Variants in GNAI1 observed in about 807,000 individuals in gnomAD.
GNAI1 encodes guanine nucleotide-binding protein G(i) subunit alpha-1.
Under a neutral mutation model 38.9 loss-of-function variants are expected in GNAI1, and 11 were observed. The ratio of observed to expected loss-of-function variants is 0.28; its 90% CI spans 0.18 to 0.47. The LOEUF is 0.47. Ranked by LOEUF, GNAI1 falls within the 20% of genes least tolerant of loss-of-function variation. The pLI is 0.99. For missense variants in GNAI1, 317 were observed against 436.9 expected, an observed-to-expected ratio of 0.73 and a Z score of 2.45; for synonymous variants, 166 against 145.1, an observed-to-expected ratio of 1.14 and a Z score of -1.04.
chr7:80,178,946 C>T (rs1788243483), intron 1 of GNAI1, among the ~76,000 whole-genome samples: 1 of 152,078 alleles, frequency 6.6e-6, no homozygotes, highest in Admixed American at 6.6e-5. Flanking sequence ...AATGATCCAC[C>T]CTTTTCTAAC....
chr7:80,147,690 T>C (rs1246391093), intron 1 of GNAI1, among the ~76,000 whole-genome samples: 1 of 152,186 alleles, frequency 6.6e-6, no homozygotes, highest in Non-Finnish European at 1.5e-5. Flanking sequence ...GATTTCCCAT[T>C]GCTTTTAAAA....
At position 80,225,044 on chromosome 7, in the gene GNAI1, A is replaced by G. The variant is rs1789136593; in HGVS notation, c.*7551A>G. Among the ~76,000 whole-genome samples the G allele has an allele frequency of 6.6e-6, 1 of 152,228 alleles. No homozygotes were observed. The highest frequency in any genetic ancestry group is 2.4e-5 in the African/African-American group (1 of 41,458). On this transcript the variant is annotated 3_prime_UTR_variant, in exon 8 of 8. Coordinates refer to ENST00000649796, the MANE Select transcript of GNAI1 (RefSeq NM_002069.6). ...GAAACACATACAAAAACTAAAAAGGATAGAATGCTAAAATTTGAATGTGGA... is the reference window on the plus strand; with the variant it reads ...GAAACACATACAAAAACTAAAAAGGGTAGAATGCTAAAATTTGAATGTGGA...
chr7:80,161,150 A>G (rs575000231), intron 1 of GNAI1, among the ~76,000 whole-genome samples: 2 of 152,312 alleles, frequency 1.3e-5, no homozygotes, highest in East Asian at 3.9e-4. Flanking sequence ...TCTTCATGAT[A>G]TTAGTGTTCC....
intron 7 of GNAI1, among the ~76,000 whole-genome samples, chr7:80,214,438 G>T (rs1009664895): frequency 6.6e-6 from 1 of 152,004 alleles, no homozygotes; most frequent in Non-Finnish European, 1.5e-5. Flanking sequence ...CATAAATATT[G>T]TATACCTACG....
intron 1 of GNAI1, among the ~76,000 whole-genome samples, chr7:80,148,367 G>T (rs916894749): frequency 6.6e-6 from 1 of 152,072 alleles, no homozygotes; most frequent in Non-Finnish European, 1.5e-5. Context: ...TATAGAAAGA[G>T]CAATTCTGAA....
At chr7:80,160,411 T>A (rs1401294654) in intron 1 of GNAI1, among the ~76,000 whole-genome samples, 1 of 152,028 alleles carries the variant, frequency 6.6e-6, no homozygotes, top group African/African-American at 2.4e-5. Context: ...TTAGGCTCAA[T>A]TTTGTATTTT....
chr7:80,149,830 T>C (rs1394824299), intron 1 of GNAI1, among the ~76,000 whole-genome samples: 2 of 152,198 alleles, frequency 1.3e-5, no homozygotes, highest in African/African-American at 4.8e-5. Flanking sequence ...TTTTAAAATT[T>C]ACATAATTTT....
chr7:80,153,981 G>C (rs1341514310), intron 1 of GNAI1, among the ~76,000 whole-genome samples: 2 of 152,138 alleles, frequency 1.3e-5, no homozygotes, highest in Non-Finnish European at 2.9e-5. Flanking sequence ...GGAGTGCAGA[G>C]ACATGATCTC....
chr7:80,166,892 T>G lies in GNAI1; in HGVS notation c.119-22059T>G, dbSNP rs536406625. On this transcript the variant is annotated intron_variant, in intron 1 of 7. Coordinates refer to ENST00000649796, the MANE Select transcript of GNAI1 (RefSeq NM_002069.6). The stretch of plus-strand genomic sequence containing the variant: ...CTTCCCTTTTTAGTCTTTAGATTTA[T>G]AAGTTGACAAGATGTATAAAGCACT... Among the ~76,000 whole-genome samples, 8 of 152,316 alleles carry G rather than the reference T, an allele frequency of 5.3e-5. No homozygotes were observed. The South Asian group carries it at 1.4e-3, about 28-fold the overall frequency.
intron 3 of GNAI1, among the ~76,000 whole-genome samples, chr7:80,197,821 A>G (rs1231838923): frequency 1.3e-5 from 2 of 152,136 alleles, no homozygotes; most frequent in Non-Finnish European, 2.9e-5. Context: ...ATGTTTCACA[A>G]ATTGGCAACA....
rs1010534794 is a variant in GNAI1 at position 80,220,714 on chromosome 7, C to T, written c.*3221C>T. Among the ~76,000 whole-genome samples the T allele has an allele frequency of 3.9e-5, 6 of 152,124 alleles. No individual in the cohort carries two copies. Among genetic ancestry groups the T allele is most frequent in the Admixed American group, 1.3e-4 (2 of 15,274 alleles). ...TCCATATGTTCTCATTGAATACTGA[C>T]AGTAACTAGAGATCAAAAAAGGCTT... On this transcript the variant is annotated 3_prime_UTR_variant, in exon 8 of 8. Transcript: ENST00000649796.
At chr7:80,195,705 G>A (rs1269996248) in intron 3 of GNAI1, among the ~76,000 whole-genome samples, 1 of 151,708 alleles carries the variant, frequency 6.6e-6, no homozygotes, top group Non-Finnish European at 1.5e-5. Context: ...ATTTTAGAAG[G>A]GCTTGCAGAT....
In GNAI1 at chr7:80,189,002, A is replaced by G. The variant is rs1788434703; in HGVS notation, c.161+9A>G. 2 of 1,607,026 alleles carry G rather than the reference A, an allele frequency of 1.2e-6. No homozygotes were observed. The highest frequency in any genetic ancestry group is 1.3e-5 in the African/African-American group (1 of 74,878). The stretch of plus-strand genomic sequence containing the variant: ...ATTGTGAAGCAGATGAAGTAAGTAG[A>G]TTTAAACACCAAATTTGCTGTTTAA... On this transcript the variant is annotated intron_variant, in intron 2 of 7. Transcript: ENST00000649796.
chr7:80,137,845 C>A (rs2116061642), intron 1 of GNAI1, among the ~76,000 whole-genome samples: 1 of 152,310 alleles, frequency 6.6e-6, no homozygotes, highest in South Asian at 2.1e-4. Context: ...AGTTCCATCA[C>A]CCTAGTCCTG....
At chr7:80,197,887 GCTTCT>G (rs1332029405) in intron 3 of GNAI1, among the ~76,000 whole-genome samples, 1 of 152,048 alleles carries the variant, frequency 6.6e-6, no homozygotes, top group Non-Finnish European at 1.5e-5. Context: ...ACCAAATGCT[GCTTCT>G]CTTCTATACC....
chr7:80,178,167 TATC>T (rs1287847983), intron 1 of GNAI1, among the ~76,000 whole-genome samples: 1 of 152,162 alleles, frequency 6.6e-6, no homozygotes, highest in East Asian at 1.9e-4. Flanking sequence ...GTGAATGCAA[TATC>T]ATGATAAAAC....
At chr7:80,163,710 T>A (rs961800296) in intron 1 of GNAI1, among the ~76,000 whole-genome samples, 1 of 152,190 alleles carries the variant, frequency 6.6e-6, no homozygotes, top group Non-Finnish European at 1.5e-5. Context: ...ATAATCCACA[T>A]GTTGATACTA....
chr7:80,161,407 T>A (rs933255862), intron 1 of GNAI1, among the ~76,000 whole-genome samples: 1 of 152,164 alleles, frequency 6.6e-6, no homozygotes, highest in Non-Finnish European at 1.5e-5. Flanking sequence ...TTTTAGGAGT[T>A]AATTGAGTAC....
At chr7:80,205,568 A>T (rs1788760344) in intron 5 of GNAI1, among the ~76,000 whole-genome samples, 1 of 147,818 alleles carries the variant, frequency 6.8e-6, no homozygotes, top group Non-Finnish European at 1.5e-5. Flanking sequence ...GGATTAGATA[A>T]ATCATTTGTT....
Sources: gnomAD v4.1 joint callset for allele counts (sites outside exome capture counted in the v4.1 genomes callset) on GRCh38, gnomAD v4.1.1 for gene constraint, MANE v1.5 for transcripts, NCBI Gene and HGNC (gene_info 2026-07-23, HGNC 2026-07-21) for gene names.